The following RETREG1 variants were observed in gnomAD, a reference collection of about 807,000 sequenced individuals.
RETREG1 encodes the protein reticulophagy regulator 1, also known as family with sequence similarity 134 member B.
In RETREG1, 44 loss-of-function variants were observed where a neutral mutation model predicts 54.8. The ratio of observed to expected loss-of-function variants is 0.80; its 90% CI spans 0.63 to 1.03. The LOEUF is 1.03. Among genes scored for constraint, RETREG1 ranks in the 50% least tolerant of loss-of-function variants. RETREG1 has a pLI of 0.00. For missense variants in RETREG1, 554 were observed against 605.1 expected (o/e 0.92, Z 0.89); for synonymous variants, 217 against 238.5 (o/e 0.91, Z 0.83).
rs538189808 is a variant in RETREG1, at chr5:16,556,230, C to T, written c.458+9533G>A. ...CTTGAGTGCAGTGGCGTGATCTTGG[C>T]TCACCACAAGCTCCGCCTCCCAGGT... On this transcript the variant is annotated intron_variant, in intron 3 of 8. Coordinates refer to ENST00000306320, the MANE Select transcript of RETREG1 (RefSeq NM_001034850.3). Among the ~76,000 whole-genome samples, 245 of 151,750 alleles carry T rather than the reference C, an allele frequency of 1.6e-3. 2 individuals carry two copies. Among genetic ancestry groups the T allele is most frequent in the Non-Finnish European group, 2.6e-3 (179 of 67,944 alleles).
chr5:16,529,209 G>A (rs1431870642), intron 3 of RETREG1, among the ~76,000 whole-genome samples: 2 of 152,092 alleles, frequency 1.3e-5, no homozygotes, highest in Admixed American at 1.3e-4. Context: ...CTGTGTCTTG[G>A]CGCCTATCAT....
At chr5:16,563,469 AGGCTG>A (rs1480220585) in intron 3 of RETREG1, among the ~76,000 whole-genome samples, 1 of 152,018 alleles carries the variant, frequency 6.6e-6, no homozygotes, top group Non-Finnish European at 1.5e-5. Flanking sequence ...ACCATTGCCC[AGGCTG>A]GTCTCAAACT....
chr5:16,516,833 G>T (rs1740372472), intron 3 of RETREG1, among the ~76,000 whole-genome samples: 2 of 152,162 alleles, frequency 1.3e-5, no homozygotes, highest in South Asian at 4.1e-4. Context: ...AGGTGCAGTG[G>T]CTCATGCCTG....
rs1435173743 is a variant in RETREG1, at chr5:16,474,196, T to C, written c.*545A>G. On this transcript the variant is annotated 3_prime_UTR_variant, in exon 9 of 9. Coordinates refer to ENST00000306320, the MANE Select transcript of RETREG1 (RefSeq NM_001034850.3). The stretch of plus-strand genomic sequence containing the variant: ...TTAAATATACTTTTAAATTTTTTCC[T>C]AAGAAATTAATTTTGATAGTATTTC... 6.4e-6 allele frequency: 1 copy of C among 156,784 alleles called. No individual in the cohort carries two copies. Among genetic ancestry groups the C allele is most frequent in the Non-Finnish European group, 1.4e-5 (1 of 71,502 alleles). The allele number at this position is 156,784 out of a possible 1,614,324, so 9.7% of individuals were successfully genotyped here.
intron 3 of RETREG1, among the ~76,000 whole-genome samples, chr5:16,523,576 T>C (rs150609351): frequency 3.5e-4 from 54 of 152,230 alleles, no homozygotes; most frequent in Non-Finnish European, 7.1e-4. Flanking sequence ...ATCACTTGGA[T>C]AAAGTAGCTT....
chr5:16,514,974 T>C (rs1288358954), intron 3 of RETREG1, among the ~76,000 whole-genome samples: 1 of 148,140 alleles, frequency 6.8e-6, no homozygotes, highest in Admixed American at 6.8e-5. Flanking sequence ...ATTATATATA[T>C]ATATAAAATT....
At chr5:16,611,106 G>T (rs1255568124) in intron 1 of RETREG1, among the ~76,000 whole-genome samples, 1 of 152,156 alleles carries the variant, frequency 6.6e-6, no homozygotes, top group Admixed American at 6.5e-5. Context: ...GTCCTTTGTA[G>T]GGACATGAAT....
At chr5:16,571,964 A>T (rs1440141888) in intron 2 of RETREG1, 32 bp downstream of exon 2, 40 of 1,508,106 alleles carry the variant, frequency 2.7e-5, no homozygotes, top group Non-Finnish European at 3.4e-5. Flanking sequence ...AGAAAATTAA[A>T]TACCATATAA....
Position 16,561,112 on chromosome 5 carries a change from A to G in RETREG1, c.458+4651T>C, listed in dbSNP as rs906798363. On this transcript the variant is annotated intron_variant, in intron 3 of 8. Transcript: ENST00000306320. The surrounding 1 kb of genome is among the most constrained non-coding windows in gnomAD (Gnocchi z 4.2). ...CCGAAAGAGAAGTGAAGTTGGCAGG[A>G]CCACGAGCTGCAGGGTTGGGACCAG... 6.6e-6 allele frequency among the ~76,000 whole-genome samples: 1 copy of G among 152,186 alleles called. No homozygotes were observed. Among genetic ancestry groups the G allele is most frequent in the African/African-American group, 2.4e-5 (1 of 41,428 alleles).
At chr5:16,607,752 G>A (rs1743235219) in intron 1 of RETREG1, among the ~76,000 whole-genome samples, 1 of 152,046 alleles carries the variant, frequency 6.6e-6, no homozygotes, top group Non-Finnish European at 1.5e-5. Context: ...TCCTTAGCAT[G>A]GTCCAATAGT....
chr5:16,595,833 G>A (rs766449488), intron 1 of RETREG1, among the ~76,000 whole-genome samples: 1 of 152,134 alleles, frequency 6.6e-6, no homozygotes, highest in Non-Finnish European at 1.5e-5. Context: ...TAGGGTCCTG[G>A]AAGATTACGA....
At position 16,556,333 on chromosome 5, in the gene RETREG1, T is replaced by C. The variant is rs534131209; in HGVS notation, c.458+9430A>G. Among the ~76,000 whole-genome samples the C allele has an allele frequency of 3.3e-5, 5 of 151,998 alleles. No individual in the cohort carries two copies. The South Asian group carries it at 8.3e-4, about 25-fold the overall frequency. On this transcript the variant is annotated intron_variant, in intron 3 of 8. Transcript: ENST00000306320. ...GCCACGCCCGGCTAATTTTTTTGTG[T>C]GTATTTTTAGTAGAGACGGGGTTTC...
At position 16,592,931 on chromosome 5, in the gene RETREG1, TAAC is replaced by T. The variant is rs977593547; in HGVS notation, c.321-20832_321-20830del. ...GGAGGAAAGAGAAGAGCAGAAAAAA[TAAC>T]TATTGGGTACTAGGCTCAGTACCTG... On this transcript the variant is annotated intron_variant, in intron 1 of 8. Coordinates refer to ENST00000306320, the MANE Select transcript of RETREG1 (RefSeq NM_001034850.3). Among the ~76,000 whole-genome samples, 43 of 151,786 alleles carry T rather than the reference TAAC, an allele frequency of 2.8e-4. 1 individual carries two copies. The highest frequency in any genetic ancestry group is 1.0e-3 in the African/African-American group (43 of 41,284).
intron 3 of RETREG1, among the ~76,000 whole-genome samples, chr5:16,519,363 C>T (rs1740457936): frequency 6.6e-6 from 1 of 152,196 alleles, no homozygotes; most frequent in Non-Finnish European, 1.5e-5. Flanking sequence ...GTCACTGACA[C>T]ATGGTATCAA....
chr5:16,523,859 A>G (rs1381641729), intron 3 of RETREG1, among the ~76,000 whole-genome samples: 3 of 152,090 alleles, frequency 2.0e-5, no homozygotes, highest in Non-Finnish European at 4.4e-5. Flanking sequence ...TTGGGCGGTA[A>G]TCCAGTGCTC....
At chr5:16,516,035 T>G (rs1740342292) in intron 3 of RETREG1, among the ~76,000 whole-genome samples, 1 of 141,176 alleles carries the variant, frequency 7.1e-6, no homozygotes, top group Admixed American at 7.2e-5. Flanking sequence ...AATTAAGAAA[T>G]AGTTCCATGT....
chr5:16,507,936 C>T (rs930380799), intron 3 of RETREG1, among the ~76,000 whole-genome samples: 3 of 152,174 alleles, frequency 2.0e-5, no homozygotes, highest in African/African-American at 7.2e-5. Context: ...AGCAATGGGG[C>T]TAAAATGCAG....
At position 16,594,235 on chromosome 5, in the gene RETREG1, C is replaced by A. The variant is rs994418610; in HGVS notation, c.321-22133G>T. Among the ~76,000 whole-genome samples, 44 of 152,188 alleles carry A rather than the reference C, an allele frequency of 2.9e-4. No individual in the cohort carries two copies. The highest frequency in any genetic ancestry group is 9.7e-4 in the African/African-American group (40 of 41,448). The stretch of plus-strand genomic sequence containing the variant: ...GGGTGCTGAACCTTTTGGCTGTATT[C>A]AGTGATACGATTAAGAATCAAAATT... On this transcript the variant is annotated intron_variant, in intron 1 of 8. Transcript: ENST00000306320. The surrounding 1 kb of genome is among the most constrained non-coding windows in gnomAD (Gnocchi z 4.4).
intron 3 of RETREG1, among the ~76,000 whole-genome samples, chr5:16,527,921 A>T (rs923176020): frequency 1.4e-5 from 2 of 143,042 alleles, no homozygotes; most frequent in African/African-American, 5.2e-5. Context: ...GCCATTCTCC[A>T]GCCTCAGCCT....
Sources: allele counts gnomAD v4.1 joint callset (sites outside exome capture counted in the v4.1 genomes callset), GRCh38; gene constraint gnomAD v4.1.1; non-coding constraint Gnocchi (gnomAD v3.1); transcripts MANE v1.5; gene names NCBI Gene and HGNC (gene_info 2026-07-23, HGNC 2026-07-21).